Variants in SLC12A1 observed in about 807,000 individuals in gnomAD.
The protein encoded by SLC12A1 is solute carrier family 12 member 1.
In SLC12A1, 89 loss-of-function variants were observed where a neutral mutation model predicts 130.4. The observed-to-expected ratio is 0.68, with a 90% CI of 0.58 to 0.81. The LOEUF is 0.81. SLC12A1 is among the 40% of genes least tolerant of loss of function. SLC12A1 has a pLI of 0.00. For synonymous variants in SLC12A1, 499 were observed against 460.0 expected (o/e 1.08, Z -1.09); for missense variants, 1,310 against 1,336.4 (o/e 0.98, Z 0.31).
chr15:48,289,667 T>C lies in SLC12A1; in HGVS notation c.2873+1151T>C, dbSNP rs1441324840. ...TAGGCTACAAATCTGAACTGAATAC[T>C]ATAGGCAAATGTGACACAATGGTAA... On this transcript the variant is annotated intron_variant, in intron 23 of 26. Coordinates refer to ENST00000380993, the MANE Select transcript of SLC12A1 (RefSeq NM_000338.3). Among the ~76,000 whole-genome samples, 6 of 152,190 alleles carry C rather than the reference T, an allele frequency of 3.9e-5. No individual in the cohort carries two copies. In the East Asian group the frequency reaches 5.8e-4, roughly 15 times the overall value.
At chr15:48,290,140 T>C (rs1427507215) in intron 23 of SLC12A1, among the ~76,000 whole-genome samples, 1 of 152,218 alleles carries the variant, frequency 6.6e-6, no homozygotes, top group Non-Finnish European at 1.5e-5. Flanking sequence ...TTTCTTTTTT[T>C]CTTTTTAAAT....
chr15:48,210,399 T>C (rs865844725), intron 2 of SLC12A1, among the ~76,000 whole-genome samples: 3 of 152,084 alleles, frequency 2.0e-5, no homozygotes, highest in Middle Eastern at 3.4e-3. Flanking sequence ...CAAAAGAAAA[T>C]AGAATTCTAA....
In SLC12A1 at chr15:48,295,892, T is replaced by A. The variant is rs141110866; in HGVS notation, c.2961-3248T>A. On this transcript the variant is annotated intron_variant, in intron 24 of 26. Coordinates refer to ENST00000380993, the MANE Select transcript of SLC12A1 (RefSeq NM_000338.3). ...CAATGGCTGTTCCAATACCTGAAAG[T>A]AACCCTAATGTAGAAGACAGTATGG... Among the ~76,000 whole-genome samples, 745 of 152,298 alleles carry A rather than the reference T, an allele frequency of 4.9e-3. 8 individuals are homozygous for A. Among genetic ancestry groups the A allele is most frequent in the Middle Eastern group, 0.044 (13 of 294 alleles).
chr15:48,302,656 G>T (rs952727174), intron 26 of SLC12A1, 94 bp from the exon 27 acceptor site: 5 of 482,718 alleles, frequency 1.0e-5, no homozygotes, highest in Non-Finnish European at 1.7e-5. Context: ...AAAAATTAAG[G>T]CTGCCAGTTA....
chr15:48,258,947 A>G (rs1385419193), intron 16 of SLC12A1, among the ~76,000 whole-genome samples: 1 of 152,212 alleles, frequency 6.6e-6, no homozygotes, highest in African/African-American at 2.4e-5. Context: ...GTGGGAACAC[A>G]GCCAAACCAT....
At chr15:48,245,400 T>G (rs2041565843) in intron 11 of SLC12A1, among the ~76,000 whole-genome samples, 1 of 152,180 alleles carries the variant, frequency 6.6e-6, no homozygotes, top group South Asian at 2.1e-4. Flanking sequence ...ACCCAACAGC[T>G]AGTTTTCAAC....
intron 20 of SLC12A1, 147 bp from the exon 21 acceptor site, chr15:48,284,959 T>A: frequency 3.8e-6 from 2 of 530,998 alleles, no homozygotes; most frequent in Non-Finnish European, 6.1e-6. Flanking sequence ...TAGAAGATAA[T>A]ATATAAAAAT....
intron 19 of SLC12A1, among the ~76,000 whole-genome samples, chr15:48,272,863 T>C (rs2041912045): frequency 6.6e-6 from 1 of 152,124 alleles, no homozygotes; most frequent in African/African-American, 2.4e-5. Flanking sequence ...ATCCCAGCAC[T>C]TTGGGAGGCC....
rs1260291980 is a variant in SLC12A1, at chr15:48,285,212, T to C, written c.2592T>C (p.Ala864=). Residue 864 remains alanine, a synonymous_variant, in exon 21 of 27, where the codon GCT becomes GCC. Coordinates refer to ENST00000380993, the MANE Select transcript of SLC12A1 (RefSeq NM_000338.3). The part of the protein sequence containing the change: ...SGGIRGLFKK[A]GKLNITKTTP... ...GCATCCGAGGCTTGTTTAAAAAAGC[T>C]GGCAAGTTGAACATTACTAAGACAA... is the stretch of plus-strand genomic sequence containing the variant. 11 of 1,613,750 alleles carry C rather than the reference T, an allele frequency of 6.8e-6. No homozygotes were observed. The highest frequency in any genetic ancestry group is 9.3e-6 in the Non-Finnish European group (11 of 1,179,824).
chr15:48,244,583 G>A (rs1567319324), intron 10 of SLC12A1, among the ~76,000 whole-genome samples, 170 bp from the exon 11 acceptor site: 1 of 152,122 alleles, frequency 6.6e-6, no homozygotes, highest in African/African-American at 2.4e-5. Flanking sequence ...CAGAAAACGG[G>A]AAACCCCAGG....
At chr15:48,235,153 C>A in intron 9 of SLC12A1, 149 bp downstream of exon 9, 4 of 863,824 alleles carry the variant, frequency 4.6e-6, no homozygotes, top group Non-Finnish European at 7.7e-6. Context: ...TAAAAGTTCT[C>A]TCTTTTAATG....
chr15:48,227,057 C>T, intron 5 of SLC12A1: 1 of 1,527,532 alleles, frequency 6.5e-7, no homozygotes, highest in Non-Finnish European at 8.9e-7. Flanking sequence ...GAACCAAACA[C>T]CTTTCTTGGG....
intron 24 of SLC12A1, among the ~76,000 whole-genome samples, chr15:48,297,178 C>G (rs766715072): frequency 6.6e-6 from 1 of 151,982 alleles, no homozygotes; most frequent in Non-Finnish European, 1.5e-5. Flanking sequence ...CTTATAAAAA[C>G]AAGATGACTG....
At chr15:48,228,144 A>C (rs1169474298) in intron 5 of SLC12A1, 1 of 152,176 alleles carries the variant, frequency 6.6e-6, no homozygotes, top group Non-Finnish European at 1.5e-5. Flanking sequence ...TCATAATCTT[A>C]CTATGGTCTG....
At chr15:48,286,611 G>T (rs1479183068) in intron 21 of SLC12A1, among the ~76,000 whole-genome samples, 1 of 152,106 alleles carries the variant, frequency 6.6e-6, no homozygotes, top group Admixed American at 6.5e-5. Flanking sequence ...TATGACAGCG[G>T]GACTTGTTAT....
At chr15:48,238,552 GAGA>G (rs1244637725) in intron 9 of SLC12A1, among the ~76,000 whole-genome samples, 3 of 152,178 alleles carry the variant, frequency 2.0e-5, no homozygotes, top group African/African-American at 7.2e-5. Context: ...AGAATGCCTT[GAGA>G]AGTAGTAACG....
intron 10 of SLC12A1, among the ~76,000 whole-genome samples, chr15:48,242,583 G>C (rs148349460): frequency 6.6e-6 from 1 of 152,154 alleles, no homozygotes; most frequent in East Asian, 1.9e-4. Context: ...CCAGAGGATT[G>C]CTTAAGCCCA....
chr15:48,262,528 A>G (rs1373681114), intron 17 of SLC12A1, among the ~76,000 whole-genome samples: 1 of 152,090 alleles, frequency 6.6e-6, no homozygotes, highest in Non-Finnish European at 1.5e-5. Context: ...CTAACTCTTA[A>G]CACTCTCCGC....
At chr15:48,211,589 T>C (rs1347443596) in intron 2 of SLC12A1, among the ~76,000 whole-genome samples, 1 of 152,200 alleles carries the variant, frequency 6.6e-6, no homozygotes, top group Non-Finnish European at 1.5e-5. Context: ...TAGAAGGTAA[T>C]TGACACAGTA....
Sources: allele counts gnomAD v4.1 joint callset (sites outside exome capture counted in the v4.1 genomes callset), GRCh38; gene constraint gnomAD v4.1.1; transcripts MANE v1.5; gene names NCBI Gene and HGNC (gene_info 2026-07-23, HGNC 2026-07-21).